Variants in CNTN3 observed in about 807,000 individuals in gnomAD.
CNTN3 encodes the protein contactin 3, also known as contactin-3.
A neutral mutation model predicts 119.1 loss-of-function variants in CNTN3; 60 were observed. That is an observed-to-expected ratio of 0.50 (90% CI 0.41 to 0.62). The LOEUF is 0.62. Among genes scored for constraint, CNTN3 ranks in the 20% least tolerant of loss-of-function variants. The probability of loss-of-function intolerance (pLI) is 0.00; values close to 1 mark genes in which losing one functional copy is unlikely to be tolerated. For missense variants in CNTN3, 1,101 were observed against 1,242.4 expected, an observed-to-expected ratio of 0.89 and a Z score of 1.71; for synonymous variants, 450 against 438.7, an observed-to-expected ratio of 1.03 and a Z score of -0.32.
intron 11 of CNTN3, among the ~76,000 whole-genome samples, chr3:74,356,234 C>T: frequency 6.6e-6 from 1 of 152,080 alleles, no homozygotes; most frequent in East Asian, 1.9e-4. Flanking sequence ...GCCTCCAGAA[C>T]TGTGAACAAT....
chr3:74,577,618 G>T (rs896543004), intron 1 of CNTN3, among the ~76,000 whole-genome samples: 2 of 151,882 alleles, frequency 1.3e-5, no homozygotes, highest in African/African-American at 4.8e-5. Context: ...AAAACAGAAA[G>T]CCATATCCGT....
intron 17 of CNTN3, among the ~76,000 whole-genome samples, chr3:74,298,534 A>G (rs780119406): frequency 1.3e-5 from 2 of 151,998 alleles, no homozygotes; most frequent in Non-Finnish European, 2.9e-5. Flanking sequence ...AAAATTATCT[A>G]ATTCTTAATG....
At chr3:74,596,465 C>G (rs112937845) in intron 1 of CNTN3, among the ~76,000 whole-genome samples, 36 of 152,232 alleles carry the variant, frequency 2.4e-4, no homozygotes, top group African/African-American at 8.4e-4. Flanking sequence ...ACCAAAACAG[C>G]ATGGTACTGG....
intron 4 of CNTN3, among the ~76,000 whole-genome samples, chr3:74,436,471 G>T (rs933834802): frequency 6.6e-6 from 1 of 152,146 alleles, no homozygotes; most frequent in Admixed American, 6.5e-5. Context: ...CAGAATGCTT[G>T]TGCCTGGTAG....
At chr3:74,516,627 T>C (rs193059314) in intron 2 of CNTN3, among the ~76,000 whole-genome samples, 1 of 150,718 alleles carries the variant, frequency 6.6e-6, no homozygotes, top group Admixed American at 6.6e-5. Context: ...ATACATAGAT[T>C]TTCATACTTG....
intron 4 of CNTN3, among the ~76,000 whole-genome samples, chr3:74,429,175 TG>T (rs1356003880): frequency 2.0e-5 from 3 of 152,096 alleles, no homozygotes; most frequent in Non-Finnish European, 2.9e-5. Context: ...CTTTTTTTTT[TG>T]TAGATAAAGA....
At chr3:74,296,964 T>A (rs1179042220) in intron 18 of CNTN3, among the ~76,000 whole-genome samples, 2 of 152,140 alleles carry the variant, frequency 1.3e-5, no homozygotes, top group African/African-American at 4.8e-5. Flanking sequence ...CCTTGATTAT[T>A]TTCTAAAGCG....
intron 18 of CNTN3, among the ~76,000 whole-genome samples, chr3:74,295,451 T>C (rs1439750767): frequency 6.6e-6 from 1 of 152,198 alleles, no homozygotes; most frequent in Non-Finnish European, 1.5e-5. Context: ...TAAACAGCTG[T>C]GGCAACCTAT....
intron 1 of CNTN3, among the ~76,000 whole-genome samples, chr3:74,555,809 C>T (rs925426273): frequency 6.6e-6 from 1 of 151,996 alleles, no homozygotes; most frequent in African/African-American, 2.4e-5. Flanking sequence ...CTCTTTTCTT[C>T]TTTATTAGTC....
chr3:74,456,070 C>G (rs1702262953), intron 4 of CNTN3, among the ~76,000 whole-genome samples: 1 of 152,004 alleles, frequency 6.6e-6, no homozygotes, highest in Non-Finnish European at 1.5e-5. Flanking sequence ...GTGCTGAGCA[C>G]TCTTCTTTGT....
chr3:74,369,103 T>C (rs1236385169), intron 8 of CNTN3, 86 bp downstream of exon 8: 2 of 1,005,708 alleles, frequency 2.0e-6, no homozygotes, highest in Middle Eastern at 2.2e-4. Context: ...GATTCTGCTA[T>C]AATCTCTCAC....
At position 74,264,029 on chromosome 3, in the gene CNTN3, G is replaced by GA. The variant is rs1701622540; in HGVS notation, c.*371dup. On this transcript the variant is annotated 3_prime_UTR_variant, in exon 23 of 23. Transcript: ENST00000263665. ...CTTCCAAATAATGCTATTATAATGGGAAAATAGCATTTGAATTAAATGAAA... is the reference window on the plus strand; with the variant it reads ...CTTCCAAATAATGCTATTATAATGGGAAAAATAGCATTTGAATTAAATGAAA... 1 of 156,020 alleles carries GA rather than the reference G, an allele frequency of 6.4e-6. No homozygotes were observed. The highest frequency in any genetic ancestry group is 6.5e-5 in the Admixed American group (1 of 15,368). The allele number at this position is 156,020 out of a possible 1,614,324, so 9.7% of individuals were successfully genotyped here. A position where few individuals can be genotyped will look rare whatever the true frequency, so the allele number is the denominator to read the frequency against.
chr3:74,467,234 C>T (rs1390963073), intron 4 of CNTN3, among the ~76,000 whole-genome samples: 1 of 152,000 alleles, frequency 6.6e-6, no homozygotes, highest in African/African-American at 2.4e-5. Context: ...CAAATTAAAT[C>T]ATCCTAAAAT....
intron 1 of CNTN3, among the ~76,000 whole-genome samples, chr3:74,581,590 C>T (rs1246444823): frequency 6.6e-6 from 1 of 152,128 alleles, no homozygotes; most frequent in African/African-American, 2.4e-5. Flanking sequence ...TTCGAACTCC[C>T]AATAGGTCCT....
chr3:74,373,798 A>G (rs138083301), intron 5 of CNTN3, among the ~76,000 whole-genome samples: 2 of 152,298 alleles, frequency 1.3e-5, no homozygotes, highest in African/African-American at 4.8e-5. Flanking sequence ...GGCTTTGCCT[A>G]TATGACACAG....
At chr3:74,562,657 C>T (rs1172989479) in intron 1 of CNTN3, among the ~76,000 whole-genome samples, 3 of 152,090 alleles carry the variant, frequency 2.0e-5, no homozygotes, top group East Asian at 3.9e-4. Flanking sequence ...GTTTCTCCTC[C>T]TCTGCTACCA....
At chr3:74,281,256 A>G (rs2106773460) in intron 20 of CNTN3, among the ~76,000 whole-genome samples, 1 of 152,304 alleles carries the variant, frequency 6.6e-6, no homozygotes, top group African/African-American at 2.4e-5. Context: ...CATTGCCCTG[A>G]TCTACAGGAG....
chr3:74,450,442 AG>A (rs749674311), intron 4 of CNTN3, among the ~76,000 whole-genome samples: 1 of 151,938 alleles, frequency 6.6e-6, no homozygotes, highest in Non-Finnish European at 1.5e-5. Flanking sequence ...TATTTACAAA[AG>A]AAAAAGGCTG....
intron 1 of CNTN3, among the ~76,000 whole-genome samples, chr3:74,534,528 T>C (rs1703736035): frequency 1.3e-5 from 2 of 152,144 alleles, no homozygotes; most frequent in South Asian, 2.1e-4. Context: ...TCTCAAACTG[T>C]AGGTTGTGTT....
Sources: allele counts gnomAD v4.1 joint callset (sites outside exome capture counted in the v4.1 genomes callset), GRCh38; gene constraint gnomAD v4.1.1; transcripts MANE v1.5; gene names NCBI Gene and HGNC (gene_info 2026-07-23, HGNC 2026-07-21).